Variants in MID1 observed in about 807,000 individuals in gnomAD.
The protein encoded by MID1 is E3 ubiquitin-protein ligase Midline-1.
Under a neutral mutation model 40.4 loss-of-function variants are expected in MID1, and 7 were observed. The ratio of observed to expected loss-of-function variants is 0.17; its 90% CI spans 0.10 to 0.33. The LOEUF (loss-of-function observed/expected upper bound fraction) is 0.33. Among genes scored for constraint, MID1 ranks in the 10% least tolerant of loss-of-function variants. The pLI is 1.00. For missense variants in MID1, 367 were observed against 558.5 expected (o/e 0.66, Z 3.46); for synonymous variants, 229 against 221.2 (o/e 1.04, Z -0.31).
intron 3 of MID1, among the ~76,000 whole-genome samples, chrX:10,510,575 G>A (rs185052816): frequency 8.0e-4 from 89 of 111,332 alleles, no homozygotes; most frequent in Non-Finnish European, 1.5e-3. Flanking sequence ...GCTCACGCCT[G>A]TAATCCCAGC....
chrX:10,771,198 C>T (rs2043766185), intron 1 of MID1, among the ~76,000 whole-genome samples: 1 of 110,675 alleles, frequency 9.0e-6, no homozygotes. Context: ...TGGACAAAAG[C>T]AAATGTTGCA....
At chrX:10,594,455 CAG>C (rs1935373955) in intron 1 of MID1, among the ~76,000 whole-genome samples, 1 of 111,698 alleles carries the variant, frequency 9.0e-6, no homozygotes, top group Non-Finnish European at 1.9e-5. Context: ...GGGAATTCTG[CAG>C]AGACTTTCCA....
chrX:10,487,835 C>T (rs1009554469), intron 4 of MID1, among the ~76,000 whole-genome samples: 4 of 111,582 alleles, frequency 3.6e-5, no homozygotes, highest in Admixed American at 2.9e-4. Flanking sequence ...ACTAGTGTAA[C>T]TAGTTTATTC....
rs758342583 is a variant in MID1 at position 10,718,060 on chromosome X, A to G, written c.-186-97641T>C. ...ACATTCAAAGCAGTGTGTAGAGGGA[A>G]ATTTATAGCACTAAATGCCCACAAG... On this transcript the variant is annotated intron_variant, in intron 1 of 10. Transcript: ENST00000380785. Among the ~76,000 whole-genome samples the G allele has an allele frequency of 2.0e-3, 223 of 112,104 alleles. 2 individuals carry two copies. Among genetic ancestry groups the G allele is most frequent in the African/African-American group, 6.9e-3 (212 of 30,872 alleles).
intron 1 of MID1, among the ~76,000 whole-genome samples, chrX:10,803,079 G>A: frequency 9.1e-6 from 1 of 110,333 alleles, no homozygotes; most frequent in Non-Finnish European, 1.9e-5. Context: ...TGGATACTAT[G>A]CTCACTATCT....
chrX:10,721,356 A>G (rs998887920), intron 1 of MID1, among the ~76,000 whole-genome samples: 22 of 110,874 alleles, frequency 2.0e-4, no homozygotes, highest in Non-Finnish European at 3.6e-4. Flanking sequence ...TGTGAATTAA[A>G]GAGTAATTAA....
At chrX:10,493,067 T>G (rs1225028111) in intron 4 of MID1, among the ~76,000 whole-genome samples, 1 of 111,824 alleles carries the variant, frequency 8.9e-6, no homozygotes, top group Non-Finnish European at 1.9e-5. Flanking sequence ...GGGCTCTCAA[T>G]GCTGCCCACA....
intron 1 of MID1, among the ~76,000 whole-genome samples, chrX:10,735,817 GTA>G (rs2043483803): frequency 9.0e-6 from 1 of 111,374 alleles, no homozygotes; most frequent in African/African-American, 3.3e-5. Flanking sequence ...AGCCTCCTGA[GTA>G]GCTGGGACTA....
rs148249741 is a variant in MID1, at chrX:10,819,835, T to C, written c.-187+13719A>G. On this transcript the variant is annotated intron_variant, in intron 1 of 10. Transcript: ENST00000380785. ...TTGACTATGAGAGTAATCTTCCAGATGGCTTATTTTGTAACATTCCGCAAG... is the reference window on the plus strand; with the variant it reads ...TTGACTATGAGAGTAATCTTCCAGACGGCTTATTTTGTAACATTCCGCAAG... Among the ~76,000 whole-genome samples, 4 of 112,061 alleles carry C rather than the reference T, an allele frequency of 3.6e-5. No homozygotes were observed. The East Asian group carries it at 1.1e-3, about 31-fold the overall frequency.
chrX:10,704,911 G>C (rs1038258641), intron 1 of MID1, among the ~76,000 whole-genome samples: 4 of 108,001 alleles, frequency 3.7e-5, no homozygotes, highest in Non-Finnish European at 5.8e-5. Context: ...TCACAGGCAC[G>C]TGCCACCACG....
rs539961459 is a variant in MID1, at chrX:10,500,576, G to T, written c.757-4885C>A. 1.1e-3 allele frequency among the ~76,000 whole-genome samples: 123 copies of T among 111,942 alleles called. 3 individuals are homozygous for T. The South Asian group carries it at 0.044, about 40-fold the overall frequency. The stretch of plus-strand genomic sequence containing the variant: ...CTACAAAGAAGTTTTCCACAGTTTT[G>T]CTGTTTCATGTGTCACTTAAACAAA... On this transcript the variant is annotated intron_variant, in intron 3 of 9. Transcript: ENST00000317552.
At chrX:10,467,992 C>T (rs1241835785) in intron 7 of MID1, among the ~76,000 whole-genome samples, 1 of 111,471 alleles carries the variant, frequency 9.0e-6, no homozygotes, top group Non-Finnish European at 1.9e-5. Flanking sequence ...TGCTAAAATG[C>T]ACCCGCTTTT....
At chrX:10,729,640 C>A (rs2043426424) in intron 1 of MID1, among the ~76,000 whole-genome samples, 1 of 112,011 alleles carries the variant, frequency 8.9e-6, no homozygotes, top group African/African-American at 3.2e-5. Flanking sequence ...CTCAACTGGT[C>A]ATTTTAAAAT....
At chrX:10,506,360 G>A (rs975689495) in intron 3 of MID1, 33 of 1,114,802 alleles carry the variant, frequency 3.0e-5, no homozygotes, top group South Asian at 6.5e-5. Flanking sequence ...GAAAACACCA[G>A]TACTGGGTAG....
At chrX:10,726,553 C>G (rs189475765) in intron 1 of MID1, among the ~76,000 whole-genome samples, 2 of 111,146 alleles carry the variant, frequency 1.8e-5, no homozygotes, top group South Asian at 3.7e-4. Context: ...AAAATTATAG[C>G]CAGTCCTGGT....
intron 3 of MID1, among the ~76,000 whole-genome samples, chrX:10,516,597 TGTGTGTGTGTGTGC>T (rs1423522650): frequency 2.5e-4 from 22 of 88,301 alleles, no homozygotes; most frequent in African/African-American, 1.0e-3. Flanking sequence ...TGTGTGTGTG[TGTGTGTGTGTGTGC>T]GCGCGCGCAC....
intron 1 of MID1, among the ~76,000 whole-genome samples, chrX:10,751,330 C>CTT (rs1264341117): frequency 9.1e-6 from 1 of 110,329 alleles, no homozygotes; most frequent in Non-Finnish European, 1.9e-5. Context: ...CACTGTTTCA[C>CTT]TTAGACATTT....
intron 1 of MID1, among the ~76,000 whole-genome samples, chrX:10,660,845 C>T (rs2042906608): frequency 8.9e-6 from 1 of 111,889 alleles, no homozygotes; most frequent in Non-Finnish European, 1.9e-5. Context: ...TTAATAATGC[C>T]TGTCACCTCT....
chrX:10,514,198 A>G, intron 3 of MID1, among the ~76,000 whole-genome samples: 1 of 112,149 alleles, frequency 8.9e-6, no homozygotes, highest in Non-Finnish European at 1.9e-5. Flanking sequence ...GATTCTGTAT[A>G]TGATGCAATA....
Sources: allele counts gnomAD v4.1 joint callset (sites outside exome capture counted in the v4.1 genomes callset), GRCh38; gene constraint gnomAD v4.1.1; transcripts MANE v1.5; gene names NCBI Gene and HGNC (gene_info 2026-07-23, HGNC 2026-07-21).